The following ERG variants were observed in gnomAD, a reference collection of about 807,000 sequenced individuals.
The protein encoded by ERG is transcriptional regulator ERG.
In ERG, 9 loss-of-function variants were observed where a neutral mutation model predicts 55.3. That is an observed-to-expected ratio of 0.16 (90% CI 0.10 to 0.28). The LOEUF (loss-of-function observed/expected upper bound fraction) is 0.28. ERG is among the 10% of genes least tolerant of loss of function. The pLI is 1.00. For synonymous variants in ERG, 223 were observed against 237.3 expected (o/e 0.94, Z 0.55); for missense variants, 434 against 631.6 (o/e 0.69, Z 3.35).
intron 6 of ERG, 150 bp downstream of exon 6, chr21:38,400,424 T>A (rs1488724607): frequency 6.5e-6 from 5 of 770,576 alleles, no homozygotes; most frequent in Non-Finnish European, 1.2e-5. Context: ...GGATTTAGTC[T>A]CCAAATCAAC....
At chr21:38,575,277 T>C (rs1035746450) in intron 2 of ERG, among the ~76,000 whole-genome samples, 1 of 152,316 alleles carries the variant, frequency 6.6e-6, no homozygotes, top group Non-Finnish European at 1.5e-5. Context: ...GGATGTGATT[T>C]CATATATTAA....
At chr21:38,532,475 A>G (rs10483045) in intron 2 of ERG, among the ~76,000 whole-genome samples, 8,912 of 152,248 alleles carry the variant, frequency 0.059, 880 homozygotes, top group African/African-American at 0.2. Context: ...GTGTTATCCC[A>G]TCATCTAAAG....
At chr21:38,604,058 C>G (rs2146915571) in intron 1 of ERG, among the ~76,000 whole-genome samples, 1 of 151,466 alleles carries the variant, frequency 6.6e-6, no homozygotes, top group East Asian at 2.0e-4. Flanking sequence ...ACCATCCTGG[C>G]TAACACGGTG....
rs185252665 is a variant in ERG, at chr21:38,623,832, A to G, written c.-150+37826T>C. The stretch of plus-strand genomic sequence containing the variant: ...ATGGGGAGCATCATTCCATAAATAA[A>G]CAAGGCAATACCTAACAGCCATTAG... On this transcript the variant is annotated intron_variant, in intron 1 of 10. Coordinates refer to the ERG transcript ENST00000398910. 1.4e-3 allele frequency among the ~76,000 whole-genome samples: 213 copies of G among 152,338 alleles called. 1 individual carries two copies. The highest frequency in any genetic ancestry group is 4.6e-3 in the African/African-American group (190 of 41,586).
intron 2 of ERG, among the ~76,000 whole-genome samples, chr21:38,571,942 C>T (rs1411146189): frequency 6.6e-6 from 1 of 152,212 alleles, no homozygotes; most frequent in Non-Finnish European, 1.5e-5. Flanking sequence ...TAAGCCACTT[C>T]TGTGGAAAAC....
chr21:38,535,355 CAAT>C (rs1335766118), intron 2 of ERG, among the ~76,000 whole-genome samples: 1 of 152,136 alleles, frequency 6.6e-6, no homozygotes, highest in Non-Finnish European at 1.5e-5. Flanking sequence ...GCTGCACCAA[CAAT>C]GTGAATATAC....
chr21:38,552,667 T>C (rs1288592254), intron 2 of ERG, among the ~76,000 whole-genome samples: 1 of 151,930 alleles, frequency 6.6e-6, no homozygotes, highest in Admixed American at 6.6e-5. Context: ...AAACTAGGCA[T>C]TGAAAGAACA....
chr21:38,460,531 T>C lies in ERG; in HGVS notation c.19-14910A>G, dbSNP rs1352963708. ...ACCTAATAAAATGTTACAGCCATCC[T>C]TTGTCCCACATGCAACGGGAACTTC... On this transcript the variant is annotated intron_variant, in intron 1 of 9. Transcript: ENST00000288319. The surrounding 1 kb of genome is among the most constrained non-coding windows in gnomAD (Gnocchi z 5.0). 5.3e-5 allele frequency among the ~76,000 whole-genome samples: 8 copies of C among 152,334 alleles called. No homozygotes were observed. In the East Asian group the frequency reaches 1.5e-3, roughly 29 times the overall value.
intron 3 of ERG, among the ~76,000 whole-genome samples, chr21:38,419,756 GC>G (rs1380793439): frequency 9.0e-6 from 1 of 110,870 alleles, no homozygotes; most frequent in Non-Finnish European, 2.3e-5. Context: ...TTTCTTATGG[GC>G]TTTTTTTTGA....
chr21:38,385,390 T>C (rs563392863), intron 9 of ERG, among the ~76,000 whole-genome samples: 11 of 152,340 alleles, frequency 7.2e-5, no homozygotes, highest in African/African-American at 2.4e-4. Context: ...TGTGATAAAA[T>C]GATTAAAGTA....
intron 1 of ERG, among the ~76,000 whole-genome samples, chr21:38,620,302 T>C (rs552136086): frequency 7.4e-6 from 1 of 135,556 alleles, no homozygotes; most frequent in South Asian, 2.6e-4. Context: ...TGACTTATTC[T>C]TTTGCTCTTG....
intron 1 of ERG, among the ~76,000 whole-genome samples, chr21:38,477,913 A>G (rs140459715): frequency 1.3e-5 from 2 of 152,376 alleles, no homozygotes; most frequent in Non-Finnish European, 2.9e-5. Context: ...AGCATGTCCT[A>G]AACAAATTTA....
At chr21:38,587,648 G>A (rs1366057894), upstream of ERG, among the ~76,000 whole-genome samples, 4 of 152,088 alleles carry the variant, frequency 2.6e-5, no homozygotes, top group South Asian at 2.1e-4. Context: ...CACGGCGCCC[G>A]GCCAAAGCTG....
chr21:38,579,961 C>T (rs2060018515), intron 1 of ERG, among the ~76,000 whole-genome samples: 1 of 152,116 alleles, frequency 6.6e-6, no homozygotes, highest in African/African-American at 2.4e-5. Context: ...GCTGGGACTA[C>T]AGCCGCCCAC....
At chr21:38,467,987 T>G (rs2059105409) in intron 1 of ERG, among the ~76,000 whole-genome samples, 1 of 152,240 alleles carries the variant, frequency 6.6e-6, no homozygotes, top group African/African-American at 2.4e-5. Context: ...TTTGTCTTTC[T>G]CCCTCCAGCT....
chr21:38,615,674 A>G (rs2060254710), intron 1 of ERG, among the ~76,000 whole-genome samples: 1 of 150,710 alleles, frequency 6.6e-6, no homozygotes, highest in East Asian at 1.9e-4. Context: ...GCTGACAATT[A>G]TTAGAGTGAT....
At chr21:38,587,685 T>C (rs1254051433), upstream of ERG, among the ~76,000 whole-genome samples, 3 of 152,228 alleles carry the variant, frequency 2.0e-5, no homozygotes, top group African/African-American at 7.2e-5. Context: ...ATAAACATGT[T>C]CCCCAAATCC....
chr21:38,423,638 A>T, intron 2 of ERG, 77 bp from the exon 3 acceptor site: 1 of 1,441,400 alleles, frequency 6.9e-7, no homozygotes, highest in Non-Finnish European at 9.5e-7. Flanking sequence ...CAATACACAG[A>T]GAGAACCAAA....
chr21:38,527,771 C>T (rs944046203), intron 2 of ERG, among the ~76,000 whole-genome samples: 2 of 152,184 alleles, frequency 1.3e-5, no homozygotes, highest in Non-Finnish European at 2.9e-5. Context: ...GAACAACTAC[C>T]CTGGTTAAAA....
Sources: gnomAD v4.1 joint callset for allele counts (sites outside exome capture counted in the v4.1 genomes callset) on GRCh38, gnomAD v4.1.1 for gene constraint, Gnocchi (gnomAD v3.1) non-coding constraint, MANE v1.5 for transcripts, NCBI Gene and HGNC (gene_info 2026-07-23, HGNC 2026-07-21) for gene names.